XXYLT1: variants seen among roughly 807,000 people sequenced by gnomAD.
The protein encoded by XXYLT1 is xyloside xylosyltransferase 1.
XXYLT1 carries 20 observed loss-of-function variants against 28.9 expected under a neutral mutation model. The observed-to-expected ratio is 0.69, with a 90% CI of 0.49 to 1.00. The LOEUF is 1.00. Ranked by LOEUF, XXYLT1 falls within the 50% of genes least tolerant of loss-of-function variation. The probability of loss-of-function intolerance (pLI) is 0.00; values close to 1 mark genes in which losing one functional copy is unlikely to be tolerated. For synonymous variants in XXYLT1, 257 were observed against 253.8 expected (o/e 1.01, Z -0.12); for missense variants, 542 against 560.1 (o/e 0.97, Z 0.33).
In XXYLT1 at chr3:195,077,724, C is replaced by T. The variant is rs925655185; in HGVS notation, c.786-7613G>A. Among the ~76,000 whole-genome samples the T allele has an allele frequency of 1.6e-4, 25 of 152,190 alleles. No individual in the cohort carries two copies. The highest frequency in any genetic ancestry group is 4.1e-4 in the African/African-American group (17 of 41,448). On this transcript the variant is annotated intron_variant, in intron 3 of 3. Transcript: ENST00000310380. This position sits in a 1 kb window ranked among gnomAD's most constrained non-coding sequence, Gnocchi z 4.8. The stretch of plus-strand genomic sequence containing the variant: ...GGGCAGCCCTTCAGCCCCCTGCAGG[C>T]GTCCGTTTCTCCAGAGCCCTGCAGA...
intron 1 of XXYLT1, among the ~76,000 whole-genome samples, chr3:195,236,746 T>C (rs929445653): frequency 3.9e-5 from 6 of 152,126 alleles, no homozygotes; most frequent in South Asian, 4.1e-4. Flanking sequence ...CCAAGGCCCA[T>C]GGTATGTACT....
intron 3 of XXYLT1, among the ~76,000 whole-genome samples, chr3:195,143,810 A>ATATATTTTTTTTTTTTTT (rs1719634081): frequency 1.0e-5 from 1 of 95,898 alleles, no homozygotes; most frequent in Non-Finnish European, 2.2e-5. Context: ...AGATAGATAT[A>ATATATTTTTTTTTTTTTT]TATAGATATA....
intron 3 of XXYLT1, among the ~76,000 whole-genome samples, chr3:195,113,936 A>C (rs1221618640): frequency 2.6e-5 from 4 of 152,156 alleles, no homozygotes; most frequent in African/African-American, 9.7e-5. Flanking sequence ...GAGATGGGTG[A>C]AGAGAAGTCC....
intron 3 of XXYLT1, among the ~76,000 whole-genome samples, chr3:195,145,205 T>G (rs9818266): frequency 7.3e-4 from 111 of 152,354 alleles, no homozygotes; most frequent in African/African-American, 2.3e-3. Flanking sequence ...TTGATTTTAT[T>G]GAGAGAAGCA....
chr3:195,084,192 G>A (rs1715598025), intron 3 of XXYLT1, among the ~76,000 whole-genome samples: 1 of 152,156 alleles, frequency 6.6e-6, no homozygotes, highest in Non-Finnish European at 1.5e-5. Flanking sequence ...AGGTCCGGCT[G>A]GTAAGGCAGA....
At chr3:195,235,082 T>G (rs574734251) in intron 1 of XXYLT1, among the ~76,000 whole-genome samples, 10 of 151,932 alleles carry the variant, frequency 6.6e-5, no homozygotes, top group Non-Finnish European at 1.3e-4. Flanking sequence ...GACTGTTCTT[T>G]CTTGCTTGCT....
intron 3 of XXYLT1, among the ~76,000 whole-genome samples, chr3:195,116,354 T>C (rs563710637): frequency 6.6e-6 from 1 of 152,188 alleles, no homozygotes; most frequent in East Asian, 1.9e-4. Context: ...CTGTGAATTA[T>C]CTGGGGATCT....
At chr3:195,247,368 G>T (rs1725069742) in intron 1 of XXYLT1, among the ~76,000 whole-genome samples, 1 of 152,216 alleles carries the variant, frequency 6.6e-6, no homozygotes, top group Non-Finnish European at 1.5e-5. Flanking sequence ...ACCATCCCAT[G>T]ACCTATGACC....
rs192003452 is a variant in XXYLT1, at chr3:195,244,600, T to G, written c.505-17744A>C. On this transcript the variant is annotated intron_variant, in intron 1 of 3. Transcript: ENST00000310380. The stretch of plus-strand genomic sequence containing the variant: ...AACATGGAGAAACCCCTGTCTCTAC[T>G]AAAAATACAAAATTAGCCAGGCGTG... Among the ~76,000 whole-genome samples, 406 of 149,978 alleles carry G rather than the reference T, an allele frequency of 2.7e-3. 3 individuals are homozygous for G. The highest frequency in any genetic ancestry group is 9.4e-3 in the African/African-American group (382 of 40,816).
chr3:195,200,859 C>T (rs932423333), intron 2 of XXYLT1, among the ~76,000 whole-genome samples: 1 of 152,136 alleles, frequency 6.6e-6, no homozygotes, highest in African/African-American at 2.4e-5. Context: ...CTGGCTCCAT[C>T]CTCTACCGTG....
chr3:195,226,796 G>C lies in XXYLT1; in HGVS notation c.565C>G (p.Gln189Glu), dbSNP rs755038921. ...DKLFPIVEAM[Q>E]KHFSAGLGTY... Reference sequence around the variant, plus strand: ...CCCAAGCCAGCACTGAAGTGCTTCTGCATGGCCTCCACGATGGGGAAGAGC... The same window carrying C: ...CCCAAGCCAGCACTGAAGTGCTTCTCCATGGCCTCCACGATGGGGAAGAGC... The change falls in exon 2 of 4, where the codon CAG becomes GAG. Residue 189 changes from glutamine (Q) to glutamate (E), a missense_variant. By Grantham distance (29) the Gln-to-Glu change is conservative. Coordinates refer to ENST00000310380, the MANE Select transcript of XXYLT1 (RefSeq NM_152531.5). 1.1e-5 allele frequency: 17 copies of C among 1,613,760 alleles called. No individual in the cohort carries two copies. In the East Asian group the frequency reaches 1.8e-4, roughly 17 times the overall value.
Position 195,226,847 on chromosome 3 carries a change from G to A in XXYLT1, c.514C>T (p.His172Tyr), listed in dbSNP as rs1352281447. The A allele has an allele frequency of 6.2e-7, 1 of 1,613,412 alleles. No homozygotes were observed. Among genetic ancestry groups the A allele is most frequent in the African/African-American group, 1.3e-5 (1 of 74,908 alleles). ...TTATCCGTCAGCACAGCAACATCGT[G>A]GAAGATGACCTGCAGCAGGTGCAAA... ...AAGFKCKVIF[H>Y]DVAVLTDKLF... Residue 172 changes from histidine to tyrosine, a missense_variant, in exon 2 of 4, where the codon CAC becomes TAC. Coordinates refer to ENST00000310380, the MANE Select transcript of XXYLT1 (RefSeq NM_152531.5).
At chr3:195,108,580 G>C (rs532741544) in intron 3 of XXYLT1, among the ~76,000 whole-genome samples, 1 of 152,198 alleles carries the variant, frequency 6.6e-6, no homozygotes, top group Non-Finnish European at 1.5e-5. Flanking sequence ...TGAACACACA[G>C]AGTGACTTCC....
chr3:195,113,276 G>A (rs1717878205), intron 3 of XXYLT1, among the ~76,000 whole-genome samples: 1 of 152,250 alleles, frequency 6.6e-6, no homozygotes, highest in African/African-American at 2.4e-5. Flanking sequence ...TCTGGCGGGA[G>A]CTCGGAAAAA....
intron 2 of XXYLT1, among the ~76,000 whole-genome samples, chr3:195,163,644 T>C (rs1346162820): frequency 6.6e-6 from 1 of 152,238 alleles, no homozygotes; most frequent in Non-Finnish European, 1.5e-5. Flanking sequence ...GGTGCATCCA[T>C]GTGGACTGGG....
chr3:195,163,717 T>C (rs1720981715), intron 2 of XXYLT1, among the ~76,000 whole-genome samples: 1 of 152,194 alleles, frequency 6.6e-6, no homozygotes, highest in Non-Finnish European at 1.5e-5. Flanking sequence ...AGAGCATAAC[T>C]AAGCCACATC....
At chr3:195,161,443 G>A (rs1720864771) in intron 2 of XXYLT1, among the ~76,000 whole-genome samples, 1 of 152,018 alleles carries the variant, frequency 6.6e-6, no homozygotes, top group Non-Finnish European at 1.5e-5. Flanking sequence ...TCTGTGCAGT[G>A]GCTGGGGCTT....
chr3:195,117,592 G>A (rs1379136033), intron 3 of XXYLT1, among the ~76,000 whole-genome samples: 1 of 151,986 alleles, frequency 6.6e-6, no homozygotes, highest in African/African-American at 2.4e-5. Context: ...GAGTTATTTG[G>A]TGTGGAGTAG....
At position 195,270,622 on chromosome 3, in the gene XXYLT1, G is replaced by C. The variant is rs762786639; in HGVS notation, c.437C>G (p.Ala146Gly). The stretch of plus-strand genomic sequence containing the variant: ...CAGGCCCTTGGCCACCTCGCGGCTG[G>C]CCTCCTCGCTCACGAAGTGAAGGTT... Reference protein sequence around the residue: ...VLNLHFVSEEASREVAKGLLR... With the variant: ...VLNLHFVSEEGSREVAKGLLR... The change falls in exon 1 of 4, where the codon GCC (alanine) becomes GGC (glycine). Residue 146 changes from alanine to glycine, a missense_variant. By Grantham distance (60) the Ala-to-Gly change is moderately conservative. Coordinates refer to ENST00000310380, the MANE Select transcript of XXYLT1 (RefSeq NM_152531.5). The C allele has an allele frequency of 1.5e-4, 223 of 1,521,858 alleles. No homozygotes were observed. Among genetic ancestry groups the C allele is most frequent in the Non-Finnish European group, 4.4e-6 (5 of 1,137,830 alleles). The allele number at this position is 1,521,858 out of a possible 1,614,324, so 94.3% of individuals were successfully genotyped here.
Sources: allele counts gnomAD v4.1 joint callset (sites outside exome capture counted in the v4.1 genomes callset), GRCh38; gene constraint gnomAD v4.1.1; non-coding constraint Gnocchi (gnomAD v3.1); transcripts MANE v1.5; gene names NCBI Gene and HGNC (gene_info 2026-07-23, HGNC 2026-07-21).